The following SGCZ variants were observed in gnomAD, a reference collection of about 807,000 sequenced individuals.
The protein encoded by SGCZ is sarcoglycan zeta, also known as zeta-sarcoglycan.
In SGCZ, 40 loss-of-function variants were observed where a neutral mutation model predicts 41.3. The ratio of observed to expected loss-of-function variants is 0.97; its 90% CI spans 0.75 to 1.26. The LOEUF is 1.26. SGCZ is among the 50% of genes most tolerant of loss of function. The pLI is 0.00. For missense variants in SGCZ, 552 were observed against 369.8 expected (o/e 1.49, Z -4.04); for synonymous variants, 206 against 137.5 (o/e 1.50, Z -3.49).
At chr8:14,606,638 T>C (rs12675018) in intron 1 of SGCZ, among the ~76,000 whole-genome samples, 36,841 of 152,030 alleles carry the variant, frequency 0.24, 4,552 homozygotes, top group Non-Finnish European at 0.26. Context: ...ATTAAATAGG[T>C]TTACTGTTTT....
chr8:14,480,997 A>G (rs1212224744), intron 2 of SGCZ, among the ~76,000 whole-genome samples: 1 of 152,086 alleles, frequency 6.6e-6, no homozygotes, highest in African/African-American at 2.4e-5. Flanking sequence ...CACAGTTTAT[A>G]TTTATCAATA....
At chr8:15,100,088 A>G (rs1283528457) in intron 1 of SGCZ, among the ~76,000 whole-genome samples, 2 of 152,158 alleles carry the variant, frequency 1.3e-5, no homozygotes, top group African/African-American at 4.8e-5. Flanking sequence ...ACATTGTACC[A>G]AAAGTCATAG....
At chr8:14,894,204 A>T (rs886193583) in intron 1 of SGCZ, among the ~76,000 whole-genome samples, 8 of 151,232 alleles carry the variant, frequency 5.3e-5, no homozygotes, top group African/African-American at 1.5e-4. Flanking sequence ...CTTTGCTGTT[A>T]TTTTTTTTTC....
chr8:14,959,451 C>T (rs988296028), intron 1 of SGCZ, among the ~76,000 whole-genome samples: 4 of 152,080 alleles, frequency 2.6e-5, no homozygotes, highest in African/African-American at 9.7e-5. Context: ...TGGGTAAATA[C>T]AATGTTGCTT....
intron 3 of SGCZ, among the ~76,000 whole-genome samples, chr8:14,255,893 A>G (rs1330521899): frequency 6.6e-6 from 1 of 152,128 alleles, no homozygotes. Flanking sequence ...ATATTTGACA[A>G]TAGCCCAATT....
intron 1 of SGCZ, among the ~76,000 whole-genome samples, chr8:14,985,929 G>C (rs1210810328): frequency 1.3e-5 from 2 of 152,142 alleles, no homozygotes; most frequent in African/African-American, 2.4e-5. Context: ...TTGGTCTTTG[G>C]TGTGGGCTCC....
intron 1 of SGCZ, among the ~76,000 whole-genome samples, chr8:14,963,325 T>C (rs1801024181): frequency 7.1e-6 from 1 of 140,962 alleles, no homozygotes; most frequent in Non-Finnish European, 1.5e-5. Flanking sequence ...TATAAATTCA[T>C]TTTCTTTTTC....
chr8:14,668,880 A>G (rs989387444), intron 1 of SGCZ, among the ~76,000 whole-genome samples: 2 of 152,036 alleles, frequency 1.3e-5, no homozygotes, highest in Non-Finnish European at 2.9e-5. Flanking sequence ...AATCACTACA[A>G]TAAAGCTAAT....
chr8:14,682,186 A>T (rs1808469092), intron 1 of SGCZ, among the ~76,000 whole-genome samples: 1 of 152,116 alleles, frequency 6.6e-6, no homozygotes, highest in Non-Finnish European at 1.5e-5. Context: ...TCGACTAAAG[A>T]AATGATGGAA....
chr8:14,302,097 A>G (rs1457763002), intron 3 of SGCZ, among the ~76,000 whole-genome samples: 1 of 152,216 alleles, frequency 6.6e-6, no homozygotes, highest in African/African-American at 2.4e-5. Context: ...TTAAAGGTGC[A>G]TGCATCACTG....
intron 1 of SGCZ, among the ~76,000 whole-genome samples, chr8:15,154,644 G>C (rs1799277480): frequency 1.3e-5 from 2 of 152,162 alleles, no homozygotes; most frequent in African/African-American, 2.4e-5. Context: ...TCAATATTTT[G>C]TAAAGAAAAT....
intron 3 of SGCZ, among the ~76,000 whole-genome samples, chr8:14,286,262 A>T (rs1800624165): frequency 6.6e-6 from 1 of 152,098 alleles, no homozygotes; most frequent in Non-Finnish European, 1.5e-5. Flanking sequence ...TCATATTCCC[A>T]TTTAACATTT....
chr8:14,745,855 C>A (rs893609280), intron 1 of SGCZ, among the ~76,000 whole-genome samples: 1 of 151,928 alleles, frequency 6.6e-6, no homozygotes, highest in Non-Finnish European at 1.5e-5. Flanking sequence ...CAAATTTAGT[C>A]TTTCACACTC....
At chr8:14,630,747 C>T (rs961085488) in intron 1 of SGCZ, among the ~76,000 whole-genome samples, 1 of 151,746 alleles carries the variant, frequency 6.6e-6, no homozygotes, top group East Asian at 2.0e-4. Flanking sequence ...TGGAAACCAT[C>T]ATTCTGAGCA....
chr8:14,680,960 G>A (rs1347624743), intron 1 of SGCZ, among the ~76,000 whole-genome samples: 11 of 25,748 alleles, frequency 4.3e-4, no homozygotes, highest in Admixed American at 2.7e-3. Context: ...AGGAAAAAGA[G>A]TGGGAAAAAA....
At chr8:14,155,123 A>G (rs529709235) in intron 5 of SGCZ, among the ~76,000 whole-genome samples, 1 of 152,320 alleles carries the variant, frequency 6.6e-6, no homozygotes, top group African/African-American at 2.4e-5. Flanking sequence ...AATGAATCCA[A>G]TCTAGAATCA....
intron 3 of SGCZ, among the ~76,000 whole-genome samples, chr8:14,255,385 C>T (rs1362031795): frequency 1.3e-5 from 2 of 152,156 alleles, no homozygotes; most frequent in Non-Finnish European, 2.9e-5. Flanking sequence ...TGTATCTCTT[C>T]CATTATCTCC....
chr8:14,746,231 A>T (rs543704660), intron 1 of SGCZ, among the ~76,000 whole-genome samples: 17 of 152,266 alleles, frequency 1.1e-4, no homozygotes, highest in South Asian at 1.0e-3. Flanking sequence ...TGGAATTTTT[A>T]AAAAACCTGC....
At chr8:14,667,314 G>A (rs10503511) in intron 1 of SGCZ, among the ~76,000 whole-genome samples, 51,342 of 151,890 alleles carry the variant, frequency 0.34, 11,182 homozygotes, top group African/African-American at 0.63. Flanking sequence ...CTAGAGAAGC[G>A]GATGAATAAA....
Sources: allele counts gnomAD v4.1 joint callset (sites outside exome capture counted in the v4.1 genomes callset), GRCh38; gene constraint gnomAD v4.1.1; transcripts MANE v1.5; gene names NCBI Gene and HGNC (gene_info 2026-07-23, HGNC 2026-07-21).